RUFY1: variants seen among roughly 807,000 people sequenced by gnomAD.
The protein encoded by RUFY1 is RUN and FYVE domain-containing protein 1.
RUFY1 carries 54 observed loss-of-function variants against 94.6 expected under a neutral mutation model. That is an observed-to-expected ratio of 0.57 (90% confidence interval 0.46 to 0.72). The LOEUF (loss-of-function observed/expected upper bound fraction) is 0.72. Ranked by LOEUF, RUFY1 falls within the 30% of genes least tolerant of loss-of-function variation. The pLI is 0.00. For missense variants in RUFY1, 883 were observed against 883.9 expected (o/e 1.00, Z 0.01); for synonymous variants, 396 against 347.3 (o/e 1.14, Z -1.56).
intron 7 of RUFY1, among the ~76,000 whole-genome samples, chr5:179,582,452 C>G (rs931672772): frequency 6.6e-6 from 1 of 152,124 alleles, no homozygotes; most frequent in Admixed American, 6.5e-5. Flanking sequence ...GTCTCAAACT[C>G]TTGGCCTCAA....
chr5:179,571,813 C>CA (rs35780681), intron 5 of RUFY1, among the ~76,000 whole-genome samples: 10,657 of 152,192 alleles, frequency 0.07, 422 homozygotes, highest in South Asian at 0.11. Context: ...ATTGGTGGTT[C>CA]AGCATTTGTG....
In RUFY1 at chr5:179,576,561, C is replaced by T. The variant is rs573944650; in HGVS notation, c.829-514C>T. On this transcript the variant is annotated intron_variant, in intron 5 of 17. Transcript: ENST00000319449. ...TCAGCTTCCCGATTAGCTGGGATTA[C>T]AGGCACCTGCCACCATGCCTGGCTA... Among the ~76,000 whole-genome samples the T allele has an allele frequency of 3.3e-5, 5 of 152,316 alleles. No individual in the cohort carries two copies. The South Asian group carries it at 1.0e-3, about 32-fold the overall frequency.
At chr5:179,563,388 C>A (rs892685440) in intron 3 of RUFY1, among the ~76,000 whole-genome samples, 35 of 152,168 alleles carry the variant, frequency 2.3e-4, no homozygotes, top group African/African-American at 8.4e-4. Flanking sequence ...CACAGCCATC[C>A]TCTAGGATAG....
intron 9 of RUFY1, 53 bp from the exon 10 acceptor site, chr5:179,591,572 T>A: frequency 6.6e-6 from 7 of 1,062,086 alleles, no homozygotes; most frequent in Non-Finnish European, 1.0e-5. Flanking sequence ...ACTTCATAAT[T>A]AGCTTGCTTT....
intron 11 of RUFY1, among the ~76,000 whole-genome samples, chr5:179,593,999 G>T (rs1261234647): frequency 6.6e-6 from 1 of 151,784 alleles, no homozygotes; most frequent in Admixed American, 6.6e-5. Flanking sequence ...AAGCATGGAG[G>T]AGAGAATTAA....
At chr5:179,569,477 T>C (rs1454009756) in intron 5 of RUFY1, 52 bp downstream of exon 5, 1 of 1,587,602 alleles carries the variant, frequency 6.3e-7, no homozygotes, top group Admixed American at 1.7e-5. Context: ...CCAGGGACTT[T>C]ACATAGGATC....
chr5:179,550,855 A>AGCGGGGACG lies in RUFY1; in HGVS notation c.289_297dup (p.Gly97_Gly99dup), dbSNP rs1272866955. On this transcript the variant is annotated inframe_insertion, in exon 1 of 18. Transcript: ENST00000319449. ...GGCCGCGGGGCTGGGCGGCGGGGAC[A>AGCGGGGACG]GCGGGGACGGCACGGCGCGCGCAGG... 8.3e-7 allele frequency: 1 copy of AGCGGGGACG among 1,198,490 alleles called. No individual in the cohort carries two copies. The highest frequency in any genetic ancestry group is 1.0e-6 in the Non-Finnish European group (1 of 970,048). The allele number at this position is 1,198,490 out of a possible 1,614,324, so 74.2% of individuals were successfully genotyped here.
At chr5:179,605,996 T>A in intron 16 of RUFY1, 72 bp downstream of exon 16, 1 of 1,007,502 alleles carries the variant, frequency 9.9e-7, no homozygotes, top group Non-Finnish European at 1.6e-6. Flanking sequence ...TACGTTTAAG[T>A]ATCCCAACAG....
intron 1 of RUFY1, chr5:179,555,621 CTTTTTTT>C (rs10556244): frequency 4.3e-3 from 1,082 of 249,010 alleles, no homozygotes; most frequent in African/African-American, 0.014. Context: ...AAACTCCCAA[CTTTTTTT>C]TTTTTTTTTT....
At chr5:179,608,887 C>T (rs1194492054) in intron 17 of RUFY1, among the ~76,000 whole-genome samples, 2 of 147,754 alleles carry the variant, frequency 1.4e-5, no homozygotes, top group East Asian at 4.0e-4. Flanking sequence ...GCCGAGATTG[C>T]GCCACTGCAC....
chr5:179,559,751 C>T (rs1762293648), intron 1 of RUFY1: 26 of 1,154,202 alleles, frequency 2.3e-5, no homozygotes, highest in Middle Eastern at 7.1e-4. Context: ...AAAGCCGTCG[C>T]CGTAGCAACG....
intron 3 of RUFY1, among the ~76,000 whole-genome samples, chr5:179,563,711 G>C (rs895190763): frequency 6.6e-6 from 1 of 151,540 alleles, no homozygotes; most frequent in East Asian, 1.9e-4. Context: ...TCTCACTCTT[G>C]CCCAGGCTGG....
Position 179,594,953 on chromosome 5 carries a change from A to T in RUFY1, c.1501A>T (p.Met501Leu), listed in dbSNP as rs761502749. 1 of 1,607,744 alleles carries T rather than the reference A, an allele frequency of 6.2e-7. No homozygotes were observed. Among genetic ancestry groups the T allele is most frequent in the Admixed American group, 1.7e-5 (1 of 59,968 alleles). Reference sequence around the variant, plus strand: ...CCAAGTTATGTCCAGCATGAAACAAATGGAAGAAAGGTAATCACTTCCCCC... The same window carrying T: ...CCAAGTTATGTCCAGCATGAAACAATTGGAAGAAAGGTAATCACTTCCCCC... ...TNQVMSSMKQ[M>L]EERLQHSERA... The change falls in exon 12 of 18, where the codon ATG becomes TTG. Residue 501 changes from methionine (M) to leucine (L), a missense_variant. Transcript: ENST00000319449.
chr5:179,607,832 T>C (rs1314722904), intron 17 of RUFY1, among the ~76,000 whole-genome samples, 173 bp downstream of exon 17: 1 of 152,224 alleles, frequency 6.6e-6, no homozygotes, highest in Non-Finnish European at 1.5e-5. Flanking sequence ...TGGCTTTCCA[T>C]CCTGGCACCC....
intron 3 of RUFY1, among the ~76,000 whole-genome samples, chr5:179,565,615 A>G (rs1193917685): frequency 1.3e-5 from 2 of 152,138 alleles, no homozygotes; most frequent in Non-Finnish European, 2.9e-5. Flanking sequence ...TGTGTATCGA[A>G]TATTCATTTA....
At position 179,585,964 on chromosome 5, in the gene RUFY1, G is replaced by A; in HGVS notation, c.1026+99G>A. The A allele has an allele frequency of 9.4e-6, 9 of 953,912 alleles. No individual in the cohort carries two copies. In the South Asian group the frequency reaches 1.2e-4, roughly 13 times the overall value. 59.1% of individuals were successfully genotyped at this position (953,912 alleles called of 1,614,324 possible). On this transcript the variant is annotated intron_variant, in intron 8 of 17. Coordinates refer to ENST00000319449, the MANE Select transcript of RUFY1 (RefSeq NM_025158.5). ...GCGATAGCAGAGCTTCCTGCTGGTA[G>A]GAAGGGGACTTGCTAGCCTCCAGCT...
At chr5:179,593,439 C>G in intron 10 of RUFY1, 39 bp from the exon 11 acceptor site, 2 of 1,570,198 alleles carry the variant, frequency 1.3e-6, no homozygotes, top group Non-Finnish European at 1.8e-6. Flanking sequence ...TTTCTGTGAT[C>G]TATTTTAATA....
chr5:179,571,219 G>A (rs889365971), intron 5 of RUFY1, among the ~76,000 whole-genome samples: 63 of 152,208 alleles, frequency 4.1e-4, no homozygotes, highest in Non-Finnish European at 3.1e-4. Context: ...TACTATTGCT[G>A]GGCACATGGC....
In RUFY1 at chr5:179,585,778, T is replaced by C. The variant is rs1222875209; in HGVS notation, c.957-18T>C. The C allele has an allele frequency of 6.3e-7, 1 of 1,579,690 alleles. No homozygotes were observed. Among genetic ancestry groups the C allele is most frequent in the Non-Finnish European group, 8.7e-7 (1 of 1,149,190 alleles). ...CTTGTATAAGTTTATGTTTACTTAA[T>C]ATTCTTATTTTCTACAGCTGCACAG... On this transcript the variant is annotated intron_variant, in intron 7 of 17. Coordinates refer to ENST00000319449, the MANE Select transcript of RUFY1 (RefSeq NM_025158.5).
Sources: allele counts gnomAD v4.1 joint callset (sites outside exome capture counted in the v4.1 genomes callset), GRCh38; gene constraint gnomAD v4.1.1; transcripts MANE v1.5; gene names NCBI Gene and HGNC (gene_info 2026-07-23, HGNC 2026-07-21).